ATG7: variants seen among roughly 807,000 people sequenced by gnomAD.
ATG7 encodes autophagy related 7.
In ATG7, 70 loss-of-function variants were observed where a neutral mutation model predicts 82.4. The observed-to-expected ratio is 0.85, with a 90% CI of 0.70 to 1.04. The LOEUF (loss-of-function observed/expected upper bound fraction) is 1.04. Among genes scored for constraint, ATG7 ranks in the 50% least tolerant of loss-of-function variants. The pLI, the probability that ATG7 is intolerant of heterozygous loss-of-function variation, is 0.00. For synonymous variants in ATG7, 287 were observed against 313.0 expected (o/e 0.92, Z 0.88); for missense variants, 792 against 864.3 (o/e 0.92, Z 1.05).
intron 19 of ATG7, among the ~76,000 whole-genome samples, chr3:11,412,621 C>T (rs1016992443): frequency 1.3e-5 from 2 of 152,120 alleles, no homozygotes; most frequent in Non-Finnish European, 2.9e-5. Flanking sequence ...AGTGTGAGTC[C>T]TCCAGCTTTG....
intron 19 of ATG7, among the ~76,000 whole-genome samples, chr3:11,393,396 GAGGA>G (rs911321753): frequency 6.8e-6 from 1 of 147,062 alleles, no homozygotes; most frequent in Non-Finnish European, 1.5e-5. Context: ...CTACCCATAA[GAGGA>G]AGGGAGGGAG....
At chr3:11,365,946 G>A (rs746828342) in intron 18 of ATG7, among the ~76,000 whole-genome samples, 1 of 152,090 alleles carries the variant, frequency 6.6e-6, no homozygotes, top group Non-Finnish European at 1.5e-5. Context: ...TGGGCCGGGC[G>A]CGGTGACTCA....
At chr3:11,472,101 A>G (rs1191942941) in intron 20 of ATG7, among the ~76,000 whole-genome samples, 1 of 152,106 alleles carries the variant, frequency 6.6e-6, no homozygotes, top group African/African-American at 2.4e-5. Flanking sequence ...TTTTGTTTGG[A>G]GGTTAGACTC....
chr3:11,533,452 ATTC>A (rs2092729662), intron 20 of ATG7, among the ~76,000 whole-genome samples: 1 of 149,528 alleles, frequency 6.7e-6, no homozygotes, highest in African/African-American at 2.5e-5. Flanking sequence ...GCTTGCTGTT[ATTC>A]TTCTGTTCAT....
At chr3:11,471,741 A>ATTTTTT (rs148815680) in intron 20 of ATG7, among the ~76,000 whole-genome samples, 62 of 30,294 alleles carry the variant, frequency 2.0e-3, no homozygotes, top group East Asian at 7.6e-3. Context: ...GGCTTTTTAG[A>ATTTTTT]TTTCTTTTTT....
At chr3:11,483,269 C>T (rs756435118) in intron 20 of ATG7, among the ~76,000 whole-genome samples, 9 of 152,098 alleles carry the variant, frequency 5.9e-5, no homozygotes, top group Non-Finnish European at 1.3e-4. Flanking sequence ...AGAAGCTTGA[C>T]GAGAAGAGAA....
Position 11,534,352 on chromosome 3 carries a change from G to A in ATG7, c.2080-20459G>A, listed in dbSNP as rs550106325. Among the ~76,000 whole-genome samples the A allele has an allele frequency of 1.5e-3, 226 of 152,360 alleles. 1 individual carries two copies. The highest frequency in any genetic ancestry group is 5.3e-3 in the African/African-American group (222 of 41,574). ...TTAGGTAGGGACACCAGCTTGCCAA[G>A]GTAAAGAAGGGCATGATGGGCGTCG... On this transcript the variant is annotated intron_variant, in intron 20 of 20. Transcript: ENST00000693202.
At chr3:11,356,833 C>T (rs966499043) in intron 14 of ATG7, among the ~76,000 whole-genome samples, 1 of 152,084 alleles carries the variant, frequency 6.6e-6, no homozygotes, top group Non-Finnish European at 1.5e-5. Flanking sequence ...GATAGCTGTG[C>T]TAGTCTCATT....
At chr3:11,406,900 T>G (rs1054469377) in intron 19 of ATG7, among the ~76,000 whole-genome samples, 20 of 152,158 alleles carry the variant, frequency 1.3e-4, no homozygotes, top group Non-Finnish European at 2.8e-4. Flanking sequence ...AGATGAGATT[T>G]GGTTGGGGAC....
intron 20 of ATG7, among the ~76,000 whole-genome samples, chr3:11,492,903 C>T (rs1267421958): frequency 6.6e-6 from 1 of 152,254 alleles, no homozygotes; most frequent in Non-Finnish European, 1.5e-5. Flanking sequence ...CTCCAAGGCC[C>T]CAGAGGGCAT....
At chr3:11,394,240 G>A (rs749725438) in intron 19 of ATG7, among the ~76,000 whole-genome samples, 1 of 152,148 alleles carries the variant, frequency 6.6e-6, no homozygotes, top group Non-Finnish European at 1.5e-5. Context: ...GGCAGTTATT[G>A]CCAAGGTAAG....
chr3:11,281,502 G>A (rs1341108120), intron 2 of ATG7, among the ~76,000 whole-genome samples: 1 of 152,202 alleles, frequency 6.6e-6, no homozygotes, highest in Non-Finnish European at 1.5e-5. Flanking sequence ...GCCGGGTGTG[G>A]TGGCTCACGC....
the ATG7 span, among the ~76,000 whole-genome samples, chr3:11,571,513 G>A: frequency 4.6e-5 from 7 of 151,990 alleles, no homozygotes; most frequent in South Asian, 2.1e-4. Flanking sequence ...GCAAAACCCC[G>A]TCTCTACAAA....
chr3:11,507,623 TATG>T (rs1169115921), intron 20 of ATG7, among the ~76,000 whole-genome samples: 1 of 152,176 alleles, frequency 6.6e-6, no homozygotes, highest in Non-Finnish European at 1.5e-5. Flanking sequence ...ATGCTAAAGT[TATG>T]GGTGTTTTTT....
At chr3:11,554,781 T>C (rs751957197) in intron 20 of ATG7, 30 bp from the exon 21 acceptor site, 2 of 1,612,182 alleles carry the variant, frequency 1.2e-6, no homozygotes, top group Non-Finnish European at 1.7e-6. Flanking sequence ...GTGGGACATC[T>C]CGGCTGAGCC....
chr3:11,410,634 C>T (rs2080808482), intron 19 of ATG7, among the ~76,000 whole-genome samples: 1 of 152,130 alleles, frequency 6.6e-6, no homozygotes, highest in Non-Finnish European at 1.5e-5. Flanking sequence ...TTTCTAAGTC[C>T]CTCATAAGTA....
intron 18 of ATG7, among the ~76,000 whole-genome samples, chr3:11,372,693 T>A (rs1227204951): frequency 6.6e-6 from 1 of 151,062 alleles, no homozygotes; most frequent in Admixed American, 6.6e-5. Flanking sequence ...TTTACTGTAC[T>A]AAGGGAAAAA....
chr3:11,293,178 TA>T (rs573216487), intron 3 of ATG7, among the ~76,000 whole-genome samples: 217 of 152,322 alleles, frequency 1.4e-3, no homozygotes, highest in Middle Eastern at 3.4e-3. Flanking sequence ...GTTTAGAGGT[TA>T]GAGCTAGAAG....
At chr3:11,390,682 T>C (rs1167444478) in intron 19 of ATG7, among the ~76,000 whole-genome samples, 1 of 152,164 alleles carries the variant, frequency 6.6e-6, no homozygotes, top group Non-Finnish European at 1.5e-5. Context: ...ATTTTTTTTT[T>C]TTTCCAGAAA....
Sources: gnomAD v4.1 joint callset for allele counts (sites outside exome capture counted in the v4.1 genomes callset) on GRCh38, gnomAD v4.1.1 for gene constraint, MANE v1.5 for transcripts, NCBI Gene and HGNC (gene_info 2026-07-23, HGNC 2026-07-21) for gene names.